The following APOO variants were observed in gnomAD, a reference collection of about 807,000 sequenced individuals.
The protein encoded by APOO is apolipoprotein O.
APOO carries 11 observed loss-of-function variants against 23.1 expected under a neutral mutation model. The observed-to-expected ratio is 0.48, with a 90% CI of 0.30 to 0.79. The LOEUF (loss-of-function observed/expected upper bound fraction) is 0.79, where lower values mean the gene tolerates loss of function less well. APOO is among the 30% of genes least tolerant of loss of function. The probability of loss-of-function intolerance (pLI) is 0.07; values close to 1 mark genes in which losing one functional copy is unlikely to be tolerated. For missense variants in APOO, 160 were observed against 142.7 expected, an observed-to-expected ratio of 1.12 and a Z score of -0.62; for synonymous variants, 59 against 54.8, an observed-to-expected ratio of 1.08 and a Z score of -0.34.
chrX:23,881,946 T>G (rs1926160156), intron 1 of APOO, among the ~76,000 whole-genome samples: 1 of 10,817 alleles, frequency 9.2e-5, no homozygotes, highest in African/African-American at 6.6e-4. Context: ...AGACTCCACC[T>G]CAAAAAAAAA....
chrX:23,871,447 T>C (rs891759850), intron 4 of APOO, among the ~76,000 whole-genome samples: 1 of 110,881 alleles, frequency 9.0e-6, no homozygotes, highest in Non-Finnish European at 1.9e-5. Flanking sequence ...CATGTCTCCT[T>C]CTCAATCTCA....
rs761272921 is a variant in APOO, at chrX:23,897,513, T to C, written c.9+10181A>G. ...TACTTAAGACTCCTATATATATGTG[T>C]TTTTTTCTCTATTAGAATGGCATCC... is the stretch of plus-strand genomic sequence containing the variant. On this transcript the variant is annotated intron_variant, in intron 1 of 8. Transcript: ENST00000379226. Among the ~76,000 whole-genome samples the C allele has an allele frequency of 2.7e-5, 3 of 112,010 alleles. No individual in the cohort carries two copies. The South Asian group carries it at 1.1e-3, about 41-fold the overall frequency.
chrX:23,877,680 G>A (rs765439713), intron 3 of APOO, among the ~76,000 whole-genome samples: 34 of 109,482 alleles, frequency 3.1e-4, no homozygotes, highest in Non-Finnish European at 6.3e-4. Flanking sequence ...AGGCTGAGGC[G>A]GGAGAACTGC....
At position 23,844,499 on chromosome X, in the gene APOO, A is replaced by G. The variant is rs533885563; in HGVS notation, c.562-4122T>C. Among the ~76,000 whole-genome samples, 18 of 111,363 alleles carry G rather than the reference A, an allele frequency of 1.6e-4. No homozygotes were observed. In the South Asian group the frequency reaches 6.5e-3, roughly 40 times the overall value. On this transcript the variant is annotated intron_variant, in intron 7 of 8. Coordinates refer to ENST00000379226, the MANE Select transcript of APOO (RefSeq NM_024122.5). ...CTGCAGTCTAAGAGGGAGGCAGAAG[A>G]AGAGGTCAGAAGGGGGATCTGCAAA...
intron 5 of APOO, among the ~76,000 whole-genome samples, chrX:23,861,742 C>G (rs188391433): frequency 1.9e-5 from 2 of 107,103 alleles, no homozygotes; most frequent in African/African-American, 6.8e-5. Context: ...TCCTGCCCAG[C>G]TCCCCTGAGG....
chrX:23,836,652 A>T (rs1471470689), intron 8 of APOO: 19 of 678,647 alleles, frequency 2.8e-5, no homozygotes, highest in African/African-American at 5.0e-5. Context: ...CCCCAAATCA[A>T]TAGGTCTTTT....
At chrX:23,898,937 T>C (rs1008444740) in intron 1 of APOO, among the ~76,000 whole-genome samples, 4 of 112,590 alleles carry the variant, frequency 3.6e-5, no homozygotes, top group African/African-American at 1.3e-4. Flanking sequence ...CCTTTATTAG[T>C]TAGTTTCATA....
Position 23,907,908 on chromosome X carries a change from C to G in APOO, c.-206G>C. The G allele has an allele frequency of 4.9e-6, 2 of 406,127 alleles. No individual in the cohort carries two copies. Among genetic ancestry groups the G allele is most frequent in the Non-Finnish European group, 7.9e-6 (2 of 252,262 alleles). The allele number at this position is 406,127 out of a possible 1,213,427, so 33.5% of individuals were successfully genotyped here. On this transcript the variant is annotated 5_prime_UTR_variant, in exon 1 of 9. Transcript: ENST00000379226. ...GAAGCCGCGTCGCTGAGCCGCAGCG[C>G]GTCGCGCCCGGGCAGCGGGTGAACG...
intron 1 of APOO, among the ~76,000 whole-genome samples, chrX:23,893,645 T>G (rs1926771876): frequency 9.0e-6 from 1 of 110,649 alleles, no homozygotes; most frequent in Non-Finnish European, 1.9e-5. Context: ...CTCGGCTCAC[T>G]GCAATCTCCG....
chrX:23,851,849 C>G (rs1220340142), intron 7 of APOO, among the ~76,000 whole-genome samples: 1 of 112,070 alleles, frequency 8.9e-6, no homozygotes, highest in African/African-American at 3.2e-5. Context: ...GAGTAATATA[C>G]CCCCATGGGA....
At chrX:23,868,962 G>A (rs1392625030) in intron 4 of APOO, among the ~76,000 whole-genome samples, 1 of 102,651 alleles carries the variant, frequency 9.7e-6, no homozygotes, top group Non-Finnish European at 2.0e-5. Context: ...AGGCTGGTGT[G>A]CAATGGCGTG....
chrX:23,862,955 G>A (rs1174064274), intron 5 of APOO, among the ~76,000 whole-genome samples: 1 of 87,020 alleles, frequency 1.1e-5, no homozygotes, highest in Non-Finnish European at 2.2e-5. Context: ...AGGGAAGGGA[G>A]AAGGAGGGAG....
At chrX:23,899,077 C>T (rs1169091905) in intron 1 of APOO, among the ~76,000 whole-genome samples, 1 of 112,116 alleles carries the variant, frequency 8.9e-6, no homozygotes, top group Non-Finnish European at 1.9e-5. Flanking sequence ...TCTCTAGCTC[C>T]CACAGAGGGG....
At chrX:23,880,053 T>G (rs946053635) in intron 2 of APOO, among the ~76,000 whole-genome samples, 15 of 106,760 alleles carry the variant, frequency 1.4e-4, no homozygotes, top group Non-Finnish European at 2.8e-4. Context: ...GAGAGAAGAT[T>G]TCTTGTTTTT....
chrX:23,855,297 G>A (rs1033326675), intron 7 of APOO, among the ~76,000 whole-genome samples: 1 of 109,745 alleles, frequency 9.1e-6, no homozygotes, highest in Non-Finnish European at 1.9e-5. Context: ...TGTGCTGGGC[G>A]TGAGTCACTG....
At chrX:23,903,301 C>T (rs757067347) in intron 1 of APOO, among the ~76,000 whole-genome samples, 3 of 108,201 alleles carry the variant, frequency 2.8e-5, no homozygotes, top group South Asian at 8.1e-4. Flanking sequence ...GCCCGGGAGG[C>T]GGAGGTTGCA....
At chrX:23,861,974 T>C (rs1179040411) in intron 5 of APOO, among the ~76,000 whole-genome samples, 6 of 109,577 alleles carry the variant, frequency 5.5e-5, no homozygotes, top group Non-Finnish European at 7.6e-5. Context: ...CGGCTATTTT[T>C]TGTATTTTTA....
At chrX:23,852,687 TC>T (rs1355240133) in intron 7 of APOO, among the ~76,000 whole-genome samples, 1 of 110,248 alleles carries the variant, frequency 9.1e-6, no homozygotes, top group Non-Finnish European at 1.9e-5. Flanking sequence ...AAAACCAACT[TC>T]CTAACAAGCT....
chrX:23,897,510 G>C (rs1479661513), intron 1 of APOO, among the ~76,000 whole-genome samples: 2 of 111,623 alleles, frequency 1.8e-5, no homozygotes, highest in Non-Finnish European at 3.8e-5. Flanking sequence ...CTATATATAT[G>C]TGTTTTTTTC....
Sources: allele counts gnomAD v4.1 joint callset (sites outside exome capture counted in the v4.1 genomes callset), GRCh38; gene constraint gnomAD v4.1.1; transcripts MANE v1.5; gene names NCBI Gene and HGNC (gene_info 2026-07-23, HGNC 2026-07-21).